Variants in PBRM1 observed in about 807,000 individuals in gnomAD.
PBRM1 encodes the protein protein polybromo-1.
A neutral mutation model predicts 194.5 loss-of-function variants in PBRM1; 27 were observed. The observed-to-expected ratio is 0.14, with a 90% CI of 0.10 to 0.19. PBRM1 has a LOEUF of 0.19. Ranked by LOEUF, PBRM1 falls within the 10% of genes least tolerant of loss-of-function variation. The pLI, the probability that PBRM1 is intolerant of heterozygous loss-of-function variation, is 1.00. For synonymous variants in PBRM1, 655 were observed against 693.2 expected, an observed-to-expected ratio of 0.94 and a Z score of 0.87; for missense variants, 1,466 against 2,077.2, an observed-to-expected ratio of 0.71 and a Z score of 5.72.
exon 9 of PBRM1, chr3:52,643,301 T>A (rs990971117): frequency 3.7e-6 from 6 of 1,613,960 alleles, no homozygotes; most frequent in Middle Eastern, 1.6e-4. Context: ...CTTTACTGTG[T>A]GAAGGACCTG....
chr3:52,602,337 G>A (rs1016897128), intron 17 of PBRM1, among the ~76,000 whole-genome samples: 1 of 152,206 alleles, frequency 6.6e-6, no homozygotes, highest in African/African-American at 2.4e-5. Context: ...CTTAGGTGAA[G>A]TTTGTACTTA....
intron 16 of PBRM1, among the ~76,000 whole-genome samples, chr3:52,605,743 T>C (rs1247766515): frequency 2.6e-5 from 4 of 151,622 alleles, no homozygotes; most frequent in East Asian, 2.0e-4. Flanking sequence ...GCTGGGATTA[T>C]AGGCACCTAC....
chr3:52,638,524 AATTTTTCT>A (rs1274426682), intron 10 of PBRM1, among the ~76,000 whole-genome samples: 2 of 151,724 alleles, frequency 1.3e-5, no homozygotes, highest in East Asian at 3.9e-4. Flanking sequence ...ATGCCTGGCT[AATTTTTCT>A]ATTTTTAGTA....
chr3:52,656,560 G>A (rs1354263380), intron 5 of PBRM1, among the ~76,000 whole-genome samples: 2 of 152,238 alleles, frequency 1.3e-5, no homozygotes, highest in Admixed American at 6.5e-5. Context: ...AGCTACTTGG[G>A]AGGCTGAGGC....
At chr3:52,564,754 G>A (rs1017622919) in intron 22 of PBRM1, among the ~76,000 whole-genome samples, 3 of 152,106 alleles carry the variant, frequency 2.0e-5, no homozygotes, top group African/African-American at 7.2e-5. Flanking sequence ...AATATAATAG[G>A]GCTTTTATGG....
rs1019237005 is a variant in PBRM1, at chr3:52,676,114, C to CAAA, written c.236+2383_236+2385dup. 1.6e-3 allele frequency among the ~76,000 whole-genome samples: 8 copies of CAAA among 5,112 alleles called. 2 individuals are homozygous for CAAA. Among genetic ancestry groups the CAAA allele is most frequent in the African/African-American group, 0.014 (6 of 428 alleles). 3.4% of individuals were successfully genotyped at this position (5,112 alleles called of 152,430 possible). On this transcript the variant is annotated intron_variant, in intron 2 of 29. Transcript: ENST00000296302. ...TGGGCGACAGAGCGAGACTCCGTCT[C>CAAA]AAAAAAAAAAAAAAAAAAAAAAAAA... is the stretch of plus-strand genomic sequence containing the variant.
intron 11 of PBRM1, among the ~76,000 whole-genome samples, chr3:52,629,327 T>A (rs2095542895): frequency 6.6e-6 from 1 of 152,114 alleles, no homozygotes; most frequent in Non-Finnish European, 1.5e-5. Context: ...AAAGCAAACA[T>A]TCTACTTGGA....
chr3:52,588,168 C>T (rs906392013), intron 18 of PBRM1, among the ~76,000 whole-genome samples: 2 of 152,170 alleles, frequency 1.3e-5, no homozygotes, highest in South Asian at 4.1e-4. Context: ...AGATATGCTA[C>T]TGAAGGACAT....
chr3:52,625,311 T>C (rs1189515065), intron 13 of PBRM1, among the ~76,000 whole-genome samples: 1 of 152,228 alleles, frequency 6.6e-6, no homozygotes, highest in African/African-American at 2.4e-5. Context: ...AAATCTCTTA[T>C]TACCAAAACC....
At chr3:52,560,999 G>A (rs1486648616) in intron 25 of PBRM1, among the ~76,000 whole-genome samples, 1 of 151,886 alleles carries the variant, frequency 6.6e-6, no homozygotes. Context: ...TAAAATTCCA[G>A]ATGGAAAAAA....
chr3:52,567,333 T>A (rs545250370), intron 22 of PBRM1, among the ~76,000 whole-genome samples: 1 of 151,970 alleles, frequency 6.6e-6, no homozygotes, highest in South Asian at 2.1e-4. Context: ...TTAAGACATA[T>A]CAATTTGCAC....
In PBRM1 at chr3:52,586,416, T is replaced by C; in HGVS notation, c.3387+9A>G. Reference sequence around the variant, plus strand: ...TAAAATTTTTTCTGTGTGGCTATTATCTGCATACCTTTTCCAAGTTAAAAT... The same window carrying C: ...TAAAATTTTTTCTGTGTGGCTATTACCTGCATACCTTTTCCAAGTTAAAAT... On this transcript the variant is annotated intron_variant, in intron 20 of 29. Transcript: ENST00000296302. 1 of 1,601,246 alleles carries C rather than the reference T, an allele frequency of 6.2e-7. No homozygotes were observed.
intron 18 of PBRM1, among the ~76,000 whole-genome samples, chr3:52,587,978 T>C (rs1057179011): frequency 6.6e-6 from 1 of 151,874 alleles, no homozygotes; most frequent in Non-Finnish European, 1.5e-5. Flanking sequence ...CCACAGCAAG[T>C]GCAATCACAC....
At chr3:52,559,826 C>T (rs2083052352) in intron 25 of PBRM1, among the ~76,000 whole-genome samples, 1 of 141,298 alleles carries the variant, frequency 7.1e-6, no homozygotes, top group Non-Finnish European at 1.5e-5. Context: ...TTTGAACAAA[C>T]TATTTACTTG....
chr3:52,669,646 G>A (rs1194021629), intron 2 of PBRM1, among the ~76,000 whole-genome samples: 1 of 152,082 alleles, frequency 6.6e-6, no homozygotes, highest in Admixed American at 6.6e-5. Flanking sequence ...TGGAACCTTA[G>A]CTGACAGGTT....
At chr3:52,658,409 C>A in intron 4 of PBRM1, 94 bp from the exon 6 acceptor site, 2 of 604,054 alleles carry the variant, frequency 3.3e-6, no homozygotes, top group Non-Finnish European at 5.7e-6. Flanking sequence ...TTCAAAACAG[C>A]AACTTTTTTT....
chr3:52,579,264 C>T (rs569404123), intron 20 of PBRM1, 65 bp from the exon 23 acceptor site: 27 of 1,414,518 alleles, frequency 1.9e-5, no homozygotes, highest in Middle Eastern at 1.9e-4. Flanking sequence ...AGGTAAGAAA[C>T]GAAAGCAGAC....
At chr3:52,579,671 CAATTA>C (rs1359959115) in intron 20 of PBRM1, among the ~76,000 whole-genome samples, 1 of 151,350 alleles carries the variant, frequency 6.6e-6, no homozygotes, top group East Asian at 1.9e-4. Flanking sequence ...GGAAACAAAA[CAATTA>C]GATTATTGAA....
intron 25 of PBRM1, chr3:52,560,595 A>T (rs1473719249): frequency 6.6e-6 from 1 of 152,220 alleles, no homozygotes; most frequent in African/African-American, 2.4e-5. Flanking sequence ...AGAAAAGGTT[A>T]GCACTCCCCT....
Sources: gnomAD v4.1 joint callset for allele counts (sites outside exome capture counted in the v4.1 genomes callset) on GRCh38, gnomAD v4.1.1 for gene constraint, MANE v1.5 for transcripts, NCBI Gene and HGNC (gene_info 2026-07-23, HGNC 2026-07-21) for gene names.